The following SPAG1 variants were observed in gnomAD, a reference collection of about 807,000 sequenced individuals.
The protein encoded by SPAG1 is sperm associated antigen 1, also known as sperm-associated antigen 1.
SPAG1 carries 69 observed loss-of-function variants against 100.5 expected under a neutral mutation model. That is an observed-to-expected ratio of 0.69 (90% CI 0.57 to 0.84). The LOEUF (loss-of-function observed/expected upper bound fraction) is 0.84. Ranked by LOEUF, SPAG1 falls within the 40% of genes least tolerant of loss-of-function variation. The pLI is 0.00. For synonymous variants in SPAG1, 336 were observed against 411.6 expected (o/e 0.82, Z 2.22); for missense variants, 955 against 1,133.1 (o/e 0.84, Z 2.26).
intron 3 of SPAG1, among the ~76,000 whole-genome samples, chr8:100,177,590 T>C (rs1282487750): frequency 6.6e-6 from 1 of 152,182 alleles, no homozygotes; most frequent in Admixed American, 6.5e-5. Flanking sequence ...ATTCATGAAA[T>C]ACCTAACTTT....
chr8:100,176,832 T>TCCTCTCCTCTCCTCC (rs1322118252), intron 3 of SPAG1, among the ~76,000 whole-genome samples: 1 of 147,398 alleles, frequency 6.8e-6, no homozygotes, highest in Non-Finnish European at 1.5e-5. Flanking sequence ...TCCTCTCCTC[T>TCCTCTCCTCTCCTCC]CCTCTCCTCT....
At chr8:100,204,769 C>A (rs1817435297) in intron 10 of SPAG1, among the ~76,000 whole-genome samples, 1 of 152,178 alleles carries the variant, frequency 6.6e-6, no homozygotes, top group Non-Finnish European at 1.5e-5. Flanking sequence ...GCACCTGCAT[C>A]TTTGAAGAGC....
chr8:100,221,705 G>A (rs1380945009), intron 13 of SPAG1, among the ~76,000 whole-genome samples: 1 of 152,200 alleles, frequency 6.6e-6, no homozygotes, highest in Non-Finnish European at 1.5e-5. Context: ...GAGAGGCCAG[G>A]CCACCTGTGT....
At chr8:100,186,060 C>CTT (rs71274962) in intron 7 of SPAG1, among the ~76,000 whole-genome samples, 13,958 of 89,884 alleles carry the variant, frequency 0.16, 1,786 homozygotes, top group South Asian at 0.2. Flanking sequence ...TGGGCAGATT[C>CTT]TTTTTTTTTT....
chr8:100,162,985 A>T (rs545820963), intron 2 of SPAG1, among the ~76,000 whole-genome samples: 234 of 152,056 alleles, frequency 1.5e-3, no homozygotes, highest in African/African-American at 5.4e-3. Context: ...TAAAAAAAAT[A>T]AAAAAAGCTA....
chr8:100,159,627 G>GCATTTATATACACACATAATTTC (rs1237433477), intron 1 of SPAG1, among the ~76,000 whole-genome samples: 1 of 152,154 alleles, frequency 6.6e-6, no homozygotes, highest in African/African-American at 2.4e-5. Context: ...GTAACCTCGT[G>GCATTTATATACACACATAATTTC]CATTTATATA....
At position 100,225,791 on chromosome 8, in the gene SPAG1, A is replaced by C. The variant is rs1396068118; in HGVS notation, c.1855+452A>C. On this transcript the variant is annotated intron_variant, in intron 14 of 18. Transcript: ENST00000388798. ...AACTACATGGTCTTAAGAAGTTGCT[A>C]CATACCTCCTGTGTCCTACTAGTAT... 2.6e-5 allele frequency among the ~76,000 whole-genome samples: 4 copies of C among 151,928 alleles called. No homozygotes were observed. In the East Asian group the frequency reaches 7.8e-4, roughly 29 times the overall value.
chr8:100,175,998 T>C (rs1321727757), intron 3 of SPAG1, among the ~76,000 whole-genome samples: 1 of 152,164 alleles, frequency 6.6e-6, no homozygotes, highest in Non-Finnish European at 1.5e-5. Context: ...CTTCCTGCCT[T>C]AAATCCTGGT....
At chr8:100,177,356 T>C (rs1442371645) in intron 3 of SPAG1, among the ~76,000 whole-genome samples, 1 of 152,180 alleles carries the variant, frequency 6.6e-6, no homozygotes, top group Non-Finnish European at 1.5e-5. Flanking sequence ...TGTGAAATTA[T>C]TACGTATTAT....
intron 16 of SPAG1, among the ~76,000 whole-genome samples, chr8:100,236,222 C>G (rs1819000103): frequency 6.6e-6 from 1 of 152,146 alleles, no homozygotes; most frequent in South Asian, 2.1e-4. Flanking sequence ...GTAATCCTAT[C>G]CCACTAGATT....
chr8:100,190,312 C>CAA (rs551371158), intron 8 of SPAG1, among the ~76,000 whole-genome samples: 6 of 74,046 alleles, frequency 8.1e-5, no homozygotes, highest in African/African-American at 1.3e-4. Flanking sequence ...GACTCTGTCT[C>CAA]AAAAAAAAAA....
chr8:100,167,826 GAC>G (rs1815634133), intron 3 of SPAG1, among the ~76,000 whole-genome samples: 1 of 152,162 alleles, frequency 6.6e-6, no homozygotes, highest in African/African-American at 2.4e-5. Context: ...GGTCAGTGTA[GAC>G]CCCACTGCCT....
At chr8:100,236,045 C>G (rs150709687) in intron 16 of SPAG1, among the ~76,000 whole-genome samples, 1 of 152,220 alleles carries the variant, frequency 6.6e-6, no homozygotes, top group Middle Eastern at 3.2e-3. Context: ...GGCTGCCTGA[C>G]TTTCTGAACC....
chr8:100,217,599 T>C (rs1358722429), intron 12 of SPAG1, among the ~76,000 whole-genome samples: 2 of 152,180 alleles, frequency 1.3e-5, no homozygotes, highest in Admixed American at 1.3e-4. Context: ...GCCATCATTT[T>C]ACAACTTTTA....
At chr8:100,209,422 G>C (rs1336592124) in intron 10 of SPAG1, among the ~76,000 whole-genome samples, 1 of 145,362 alleles carries the variant, frequency 6.9e-6, no homozygotes, top group Non-Finnish European at 1.5e-5. Context: ...GTGAGACCCT[G>C]TCTCAAAAAA....
chr8:100,239,229 CCTA>C lies in SPAG1; in HGVS notation c.2116-8_2116-6del, dbSNP rs1819144067. 6.8e-7 allele frequency: 1 copy of C among 1,467,146 alleles called. No homozygotes were observed. 90.9% of individuals were successfully genotyped at this position (1,467,146 alleles called of 1,614,324 possible). On this transcript the variant is annotated splice_polypyrimidine_tract_variant and splice_region_variant and intron_variant, in intron 16 of 18. Transcript: ENST00000388798. This position sits in a 1 kb window ranked among gnomAD's most constrained non-coding sequence, Gnocchi z 5.0. Reference sequence around the variant, plus strand: ...TTATGAAAGTTATTTTCTCTGTCTTCCTACTTACAGAATTATCAGAAAAGCTTA... The same window carrying C: ...TTATGAAAGTTATTTTCTCTGTCTTCCTTACAGAATTATCAGAAAAGCTTA...
intron 10 of SPAG1, among the ~76,000 whole-genome samples, chr8:100,210,172 TCTATTC>T (rs1159039095): frequency 3.3e-5 from 5 of 151,596 alleles, no homozygotes; most frequent in Non-Finnish European, 5.9e-5. Context: ...GAATTTCACT[TCTATTC>T]CTAGTTTTCT....
Position 100,212,986 on chromosome 8 carries a change from TA to T in SPAG1, c.1097-103del, listed in dbSNP as rs1238684749. ...GGGGCGGTGCCCGAGCCGGCTTCCCTAGAGCCCGCCCTCCGCGTCCTGCACC... is the reference window on the plus strand; with the variant it reads ...GGGGCGGTGCCCGAGCCGGCTTCCCTGAGCCCGCCCTCCGCGTCCTGCACC... On this transcript the variant is annotated intron_variant, in intron 10 of 18. Transcript: ENST00000388798. 3.4e-5 allele frequency: 33 copies of T among 962,526 alleles called. No homozygotes were observed. The African/African-American group carries it at 5.5e-4, about 16-fold the overall frequency. The allele number at this position is 962,526 out of a possible 1,614,324, so 59.6% of individuals were successfully genotyped here. A position where few individuals can be genotyped will look rare whatever the true frequency, so the allele number is the denominator to read the frequency against.
At position 100,240,722 on chromosome 8, in the gene SPAG1, C is replaced by A; in HGVS notation, c.2600C>A (p.Ser867Ter). The A allele has an allele frequency of 6.2e-7, 1 of 1,613,120 alleles. No individual in the cohort carries two copies. Among genetic ancestry groups the A allele is most frequent in the Non-Finnish European group, 8.5e-7 (1 of 1,179,576 alleles). Residue 867 changes from serine (S) to a stop codon, truncating the protein, a stop_gained, in exon 18 of 19, where the codon TCA (serine) becomes TAA (stop). Coordinates refer to ENST00000388798, the MANE Select transcript of SPAG1 (RefSeq NM_003114.5). LOFTEE classifies it high-confidence loss of function. ...AATAATCTTATTGAAAAAGATCCCT[C>A]ATTGGTGTATCAGCATCTTTTATAC... ...LKNNLIEKDP[S>*]LVYQHLLYLS... is the part of the protein sequence containing the mutation.
Sources: gnomAD v4.1 joint callset for allele counts (sites outside exome capture counted in the v4.1 genomes callset) on GRCh38, gnomAD v4.1.1 for gene constraint, Gnocchi (gnomAD v3.1) non-coding constraint, MANE v1.5 for transcripts, NCBI Gene and HGNC (gene_info 2026-07-23, HGNC 2026-07-21) for gene names.